SYN3: variants seen among roughly 807,000 people sequenced by gnomAD.
The protein encoded by SYN3 is synapsin III.
In SYN3, 35 loss-of-function variants were observed where a neutral mutation model predicts 65.8. The observed-to-expected ratio is 0.53, with a 90% CI of 0.41 to 0.70. The LOEUF is 0.70. Ranked by LOEUF, SYN3 falls within the 30% of genes least tolerant of loss-of-function variation. SYN3 has a pLI of 0.00. For missense variants in SYN3, 680 were observed against 749.0 expected (o/e 0.91, Z 1.08); for synonymous variants, 270 against 292.9 (o/e 0.92, Z 0.80).
chr22:32,919,795 G>A (rs535720651), intron 4 of SYN3, among the ~76,000 whole-genome samples: 28 of 152,184 alleles, frequency 1.8e-4, no homozygotes, highest in Non-Finnish European at 1.6e-4. Context: ...GGCTCATTGT[G>A]GCTCAGGGGC....
At chr22:32,747,178 G>A (rs898238126) in intron 6 of SYN3, among the ~76,000 whole-genome samples, 7 of 152,142 alleles carry the variant, frequency 4.6e-5, no homozygotes, top group Admixed American at 6.6e-5. Flanking sequence ...TCAATAGCAC[G>A]ATTTTTCTTT....
At chr22:33,029,086 C>A (rs1474100066) in intron 1 of SYN3, among the ~76,000 whole-genome samples, 5 of 151,120 alleles carry the variant, frequency 3.3e-5, no homozygotes, top group African/African-American at 1.2e-4. Context: ...CCTAGATGAT[C>A]CCCAACTCTC....
At chr22:33,047,429 C>G (rs1469609905) in intron 1 of SYN3, among the ~76,000 whole-genome samples, 1 of 152,190 alleles carries the variant, frequency 6.6e-6, no homozygotes, top group African/African-American at 2.4e-5. Context: ...TATCACCCCT[C>G]AAATCACCTG....
intron 3 of SYN3, among the ~76,000 whole-genome samples, chr22:32,966,068 T>C (rs1327507871): frequency 6.6e-6 from 1 of 152,094 alleles, no homozygotes; most frequent in African/African-American, 2.4e-5. Flanking sequence ...ATTTGTGGAA[T>C]GAATAAAGAT....
rs148455007 is a variant in SYN3 at position 32,812,331 on chromosome 22, C to T, written c.711+52584G>A. On this transcript the variant is annotated intron_variant, in intron 6 of 13. Coordinates refer to ENST00000358763, the MANE Select transcript of SYN3 (RefSeq NM_003490.4). ...ATTTCTGTGGTTGCAAAAGTGGATGCGGGCTCTGAACAAAACCTCTAGTGA... is the reference window on the plus strand; with the variant it reads ...ATTTCTGTGGTTGCAAAAGTGGATGTGGGCTCTGAACAAAACCTCTAGTGA... Among the ~76,000 whole-genome samples the T allele has an allele frequency of 3.8e-3, 585 of 152,154 alleles. 2 individuals are homozygous for T. The highest frequency in any genetic ancestry group is 6.9e-3 in the Non-Finnish European group (469 of 68,006).
intron 6 of SYN3, among the ~76,000 whole-genome samples, chr22:32,648,933 A>C (rs982012653): frequency 2.6e-5 from 4 of 152,248 alleles, no homozygotes; most frequent in African/African-American, 9.6e-5. Context: ...GGATGGGCAC[A>C]AAGTAAAACA....
chr22:32,948,542 C>G (rs924395810), intron 3 of SYN3, among the ~76,000 whole-genome samples: 2 of 152,088 alleles, frequency 1.3e-5, no homozygotes, highest in Non-Finnish European at 2.9e-5. Context: ...CGAGACCATA[C>G]TGGCTAACAT....
At chr22:32,574,767 T>A (rs2058828375) in intron 7 of SYN3, among the ~76,000 whole-genome samples, 1 of 152,264 alleles carries the variant, frequency 6.6e-6, no homozygotes, top group Admixed American at 6.5e-5. Flanking sequence ...GAATAGCTGA[T>A]GGATCATCCC....
chr22:32,738,764 TA>T (rs1335556465), intron 6 of SYN3, among the ~76,000 whole-genome samples: 6 of 152,304 alleles, frequency 3.9e-5, no homozygotes, highest in African/African-American at 1.4e-4. Flanking sequence ...GTTAGCATTT[TA>T]AAAAATGATC....
chr22:32,722,997 T>C (rs2061140934), intron 6 of SYN3, among the ~76,000 whole-genome samples: 1 of 152,168 alleles, frequency 6.6e-6, no homozygotes, highest in Admixed American at 6.5e-5. Flanking sequence ...ATCAACAACA[T>C]GGGTTCAACT....
At chr22:32,881,917 A>C (rs2049150762) in intron 4 of SYN3, among the ~76,000 whole-genome samples, 1 of 152,010 alleles carries the variant, frequency 6.6e-6, no homozygotes, top group Admixed American at 6.5e-5. Flanking sequence ...TTAGCTGGGC[A>C]TGGTGGCATG....
At chr22:32,956,041 C>CATATATATATATATAT (rs5845054) in intron 3 of SYN3, among the ~76,000 whole-genome samples, 4,174 of 130,210 alleles carry the variant, frequency 0.032, 97 homozygotes, top group Non-Finnish European at 0.046. Flanking sequence ...AATAAATTCA[C>CATATATATATATATAT]ATATATATAT....
At chr22:32,988,113 C>T (rs945286170) in intron 2 of SYN3, among the ~76,000 whole-genome samples, 1 of 151,842 alleles carries the variant, frequency 6.6e-6, no homozygotes, top group Non-Finnish European at 1.5e-5. Context: ...TCAAGACCAT[C>T]CTGGCCAACA....
intron 6 of SYN3, among the ~76,000 whole-genome samples, chr22:32,788,551 A>T (rs1374661921): frequency 6.7e-6 from 1 of 149,300 alleles, no homozygotes. Context: ...AAAAAAAAAA[A>T]TAATAATAAT....
At chr22:32,811,909 C>T (rs948977261) in intron 6 of SYN3, among the ~76,000 whole-genome samples, 3 of 152,114 alleles carry the variant, frequency 2.0e-5, no homozygotes, top group African/African-American at 7.2e-5. Context: ...AAAGAGAGGG[C>T]CCTAGAAATG....
chr22:32,671,401 C>T (rs896907920), intron 6 of SYN3, among the ~76,000 whole-genome samples: 1 of 151,980 alleles, frequency 6.6e-6, no homozygotes, highest in Non-Finnish European at 1.5e-5. Context: ...CATCCTCTCA[C>T]ACTCATCTCA....
chr22:33,040,870 CTG>C (rs1170028572), intron 1 of SYN3, among the ~76,000 whole-genome samples: 1 of 152,134 alleles, frequency 6.6e-6, no homozygotes, highest in Non-Finnish European at 1.5e-5. Flanking sequence ...CCATGCTGAA[CTG>C]TGAGTCAATT....
chr22:32,727,088 G>C (rs2061205695), intron 6 of SYN3, among the ~76,000 whole-genome samples: 1 of 151,904 alleles, frequency 6.6e-6, no homozygotes, highest in Admixed American at 6.6e-5. Flanking sequence ...CCATCACCTA[G>C]GTATTAAGCC....
chr22:32,592,822 T>C (rs1041081901), intron 7 of SYN3, among the ~76,000 whole-genome samples: 2 of 152,212 alleles, frequency 1.3e-5, no homozygotes, highest in African/African-American at 4.8e-5. Context: ...CGACTATCTC[T>C]CCAATTCCTT....
Sources: allele counts gnomAD v4.1 joint callset (sites outside exome capture counted in the v4.1 genomes callset), GRCh38; gene constraint gnomAD v4.1.1; transcripts MANE v1.5; gene names NCBI Gene and HGNC (gene_info 2026-07-23, HGNC 2026-07-21).